NTM: variants seen among roughly 807,000 people sequenced by gnomAD.
The protein encoded by NTM is IgLON family member 2.
A neutral mutation model predicts 42.1 loss-of-function variants in NTM; 13 were observed. The ratio of observed to expected loss-of-function variants is 0.31; its 90% confidence interval spans 0.20 to 0.49. NTM has a LOEUF of 0.49. Among genes scored for constraint, NTM ranks in the 20% least tolerant of loss-of-function variants. The pLI, the probability that NTM is intolerant of heterozygous loss-of-function variation, is 0.99. For synonymous variants in NTM, 187 were observed against 179.2 expected (o/e 1.04, Z -0.35); for missense variants, 373 against 452.8 (o/e 0.82, Z 1.60).
intron 2 of NTM, among the ~76,000 whole-genome samples, chr11:131,985,399 A>G (rs1479419777): frequency 6.6e-6 from 1 of 152,176 alleles, no homozygotes; most frequent in African/African-American, 2.4e-5. Context: ...CACTTTCAAA[A>G]TTAACTAGGG....
intron 1 of NTM, among the ~76,000 whole-genome samples, chr11:131,859,054 A>G (rs2046368187): frequency 6.6e-6 from 1 of 152,136 alleles, no homozygotes; most frequent in Non-Finnish European, 1.5e-5. Context: ...TCAATTCCTC[A>G]AAGTCTATTT....
chr11:131,471,142 G>A (rs569813901), intron 1 of NTM, among the ~76,000 whole-genome samples: 1 of 152,176 alleles, frequency 6.6e-6, no homozygotes. Flanking sequence ...CATGAGTATT[G>A]TCAGCTCTTA....
chr11:131,373,594 C>T (rs1941521242), intron 1 of NTM, among the ~76,000 whole-genome samples: 1 of 151,830 alleles, frequency 6.6e-6, no homozygotes, highest in African/African-American at 2.4e-5. Flanking sequence ...GGAGGCATCT[C>T]GTTGCCGGGA....
At chr11:132,229,429 A>T (rs898552114) in intron 4 of NTM, among the ~76,000 whole-genome samples, 6 of 152,214 alleles carry the variant, frequency 3.9e-5, no homozygotes, top group Non-Finnish European at 7.3e-5. Flanking sequence ...AAGATGAATC[A>T]ATCTAGTTAC....
chr11:132,220,259 T>G (rs913928059), intron 4 of NTM, among the ~76,000 whole-genome samples: 2 of 152,172 alleles, frequency 1.3e-5, no homozygotes, highest in African/African-American at 4.8e-5. Flanking sequence ...CAGGAACTCC[T>G]TACATAAGTG....
At chr11:131,491,325 C>T (rs1231843773) in intron 1 of NTM, among the ~76,000 whole-genome samples, 1 of 151,958 alleles carries the variant, frequency 6.6e-6, no homozygotes, top group Non-Finnish European at 1.5e-5. Flanking sequence ...AAGTATATAG[C>T]TAAGAATATA....
In NTM at chr11:131,449,179, C is replaced by T. The variant is rs554514236; in HGVS notation, c.82+78291C>T. Reference sequence around the variant, plus strand: ...TTTTTCTTCTCATCAGCACGGACACCGTGGCTGGTAATGGAGCTGCCGTGC... The same window carrying T: ...TTTTTCTTCTCATCAGCACGGACACTGTGGCTGGTAATGGAGCTGCCGTGC... On this transcript the variant is annotated intron_variant, in intron 1 of 8. Coordinates refer to ENST00000683400, the MANE Select transcript of NTM (RefSeq NM_001352005.2). Among the ~76,000 whole-genome samples, 7 of 152,250 alleles carry T rather than the reference C, an allele frequency of 4.6e-5. No individual in the cohort carries two copies. The South Asian group carries it at 1.5e-3, about 32-fold the overall frequency.
intron 7 of NTM, among the ~76,000 whole-genome samples, chr11:132,327,385 A>G (rs1051786008): frequency 6.6e-6 from 1 of 152,160 alleles, no homozygotes; most frequent in African/African-American, 2.4e-5. Context: ...ACTAAAGTAA[A>G]CTCTGTATAT....
intron 1 of NTM, among the ~76,000 whole-genome samples, chr11:131,869,459 C>A (rs1055172704): frequency 6.6e-6 from 1 of 152,178 alleles, no homozygotes; most frequent in Non-Finnish European, 1.5e-5. Flanking sequence ...CTACTGTCTC[C>A]GGCATCTGTT....
rs77916358 is a variant in NTM, at chr11:131,470,536, T to C, written c.82+99648T>C. Among the ~76,000 whole-genome samples, 576 of 152,302 alleles carry C rather than the reference T, an allele frequency of 3.8e-3. 2 individuals are homozygous for C. Among genetic ancestry groups the C allele is most frequent in the African/African-American group, 0.013 (538 of 41,564 alleles). On this transcript the variant is annotated intron_variant, in intron 1 of 8. Transcript: ENST00000683400. ...TTGCTACTGTCTTGAAGGCAGATGG[T>C]TCTCTGGGAGAGGAAAGTGAGATAG...
rs775464312 is a variant in NTM, at chr11:131,370,835, A to G, written c.29A>G (p.Asn10Ser). The change falls in exon 1 of 9, where the codon AAT becomes AGT. Residue 10 changes from asparagine to serine, a missense_variant. Around this residue, in one of 3 missense-constraint regions of NTM, gnomAD observed 29 missense variants for 30.4 expected, o/e 0.95. Transcript: ENST00000683400. Reference sequence around the variant, plus strand: ...AAAACCATCCAGCCAAAAATGCACAATTCTATCTCTTGGGCAATCTTCACG... The same window carrying G: ...AAAACCATCCAGCCAAAAATGCACAGTTCTATCTCTTGGGCAATCTTCACG... The part of the protein sequence containing the change: MKTIQPKMH[N>S]SISWAIFTGL... 10 of 1,614,026 alleles carry G rather than the reference A, an allele frequency of 6.2e-6. No homozygotes were observed. The highest frequency in any genetic ancestry group is 5.0e-5 in the Admixed American group (3 of 59,992).
chr11:132,318,340 A>ATGGAGAATGCATGTTAC (rs1490661459), intron 7 of NTM, among the ~76,000 whole-genome samples: 9 of 152,138 alleles, frequency 5.9e-5, no homozygotes, highest in African/African-American at 2.2e-4. Context: ...CCAACAGTCA[A>ATGGAGAATGCATGTTAC]TGGAGAATGC....
intron 2 of NTM, among the ~76,000 whole-genome samples, chr11:132,118,482 G>T (rs2064219037): frequency 6.6e-6 from 1 of 152,208 alleles, no homozygotes; most frequent in Admixed American, 6.5e-5. Flanking sequence ...AGGTGGAGGT[G>T]TTTTCATCGC....
intron 2 of NTM, among the ~76,000 whole-genome samples, chr11:132,142,374 G>A (rs527345924): frequency 6.6e-6 from 1 of 152,296 alleles, no homozygotes; most frequent in South Asian, 2.1e-4. Context: ...TGTTTCAGGA[G>A]CAGTTTTGTA....
intron 1 of NTM, among the ~76,000 whole-genome samples, chr11:131,373,831 C>G (rs1941561165): frequency 6.6e-6 from 1 of 152,236 alleles, no homozygotes; most frequent in African/African-American, 2.4e-5. Context: ...TCCTCACATC[C>G]CGCATCCGCT....
In NTM at chr11:132,335,488, A is replaced by T; in HGVS notation, c.*342A>T. On this transcript the variant is annotated 3_prime_UTR_variant, in exon 9 of 9. Transcript: ENST00000683400. ...GCAAGGGCTCAGCCTCTCTGCCCAC[A>T]GAGTGCCCCCACGTGGAACATTCTG... The T allele has an allele frequency of 3.6e-6, 1 of 276,378 alleles. No homozygotes were observed. The highest frequency in any genetic ancestry group is 7.0e-6 in the Non-Finnish European group (1 of 143,234). The allele number at this position is 276,378 out of a possible 1,614,324, so 17.1% of individuals were successfully genotyped here. A position where few individuals can be genotyped will look rare whatever the true frequency, so the allele number is the denominator to read the frequency against.
At chr11:131,794,996 AC>A in intron 1 of NTM, 1 of 985,364 alleles carries the variant, frequency 1.0e-6, no homozygotes, top group Middle Eastern at 5.2e-4. Context: ...TGGGCAGGCT[AC>A]AGAAGTACTC....
rs557522093 is a variant in NTM, at chr11:131,763,709, C to CTTTTTTTTTTTTTTTTTTT, written c.83-147847_83-147829dup. On this transcript the variant is annotated intron_variant, in intron 1 of 8. Coordinates refer to ENST00000683400, the MANE Select transcript of NTM (RefSeq NM_001352005.2). The stretch of plus-strand genomic sequence containing the variant: ...CTTATCCACAGGCCCATCTCTCTCT[C>CTTTTTTTTTTTTTTTTTTT]TTTTTTTTTTTTTTTTTTTTTTTTT... 2.3e-3 allele frequency among the ~76,000 whole-genome samples: 164 copies of CTTTTTTTTTTTTTTTTTTT among 71,370 alleles called. 28 individuals carry two copies. The highest frequency in any genetic ancestry group is 3.5e-3 in the South Asian group (6 of 1,732). 46.8% of individuals were successfully genotyped at this position (71,370 alleles called of 152,430 possible).
At chr11:131,802,100 C>G (rs938086899) in intron 1 of NTM, among the ~76,000 whole-genome samples, 4 of 152,196 alleles carry the variant, frequency 2.6e-5, no homozygotes, top group Admixed American at 1.3e-4. Context: ...GAGAGAGTCT[C>G]TTTCCCTGAA....
Sources: gnomAD v4.1 joint callset for allele counts (sites outside exome capture counted in the v4.1 genomes callset) on GRCh38, gnomAD v4.1.1 for gene constraint, gnomAD v4.1.1 regional missense constraint, MANE v1.5 for transcripts, NCBI Gene and HGNC (gene_info 2026-07-23, HGNC 2026-07-21) for gene names.